Variants in NKAIN3 observed in about 807,000 individuals in gnomAD.
NKAIN3 encodes sodium/potassium transporting ATPase interacting 3, also known as sodium/potassium-transporting ATPase subunit beta-1-interacting protein 3.
Under a neutral mutation model 30.2 loss-of-function variants are expected in NKAIN3, and 25 were observed. The ratio of observed to expected loss-of-function variants is 0.83; its 90% CI spans 0.60 to 1.16. The LOEUF is 1.16. Ranked by LOEUF, NKAIN3 falls within the 50% of genes most tolerant of loss-of-function variation. The probability of loss-of-function intolerance (pLI) is 0.00; values close to 1 mark genes in which losing one functional copy is unlikely to be tolerated. For synonymous variants in NKAIN3, 91 were observed against 89.6 expected (o/e 1.02, Z -0.09); for missense variants, 225 against 254.1 (o/e 0.89, Z 0.78).
In NKAIN3 at chr8:62,881,087, C is replaced by T. The variant is rs762230906; in HGVS notation, c.472-37366C>T. The stretch of plus-strand genomic sequence containing the variant: ...CTGCATCAGAGTGTTACATTTATTA[C>T]AAGTGTAATATATTGAACATCATCA... On this transcript the variant is annotated intron_variant, in intron 4 of 6. Transcript: ENST00000623646. Among the ~76,000 whole-genome samples the T allele has an allele frequency of 4.3e-4, 66 of 152,214 alleles. 1 individual carries two copies. Among genetic ancestry groups the T allele is most frequent in the Middle Eastern group, 3.4e-3 (1 of 294 alleles).
chr8:62,851,880 G>A (rs1738390242), intron 4 of NKAIN3, among the ~76,000 whole-genome samples: 1 of 152,106 alleles, frequency 6.6e-6, no homozygotes, highest in Non-Finnish European at 1.5e-5. Flanking sequence ...GAGGATTTTT[G>A]CAGCAATGTT....
intron 3 of NKAIN3, among the ~76,000 whole-genome samples, chr8:62,617,330 A>C (rs1359892529): frequency 2.6e-5 from 4 of 152,338 alleles, no homozygotes; most frequent in South Asian, 2.1e-4. Context: ...AAGGCTTAGA[A>C]GCTCTGCCAA....
chr8:62,629,804 G>T (rs1811900009), intron 3 of NKAIN3, among the ~76,000 whole-genome samples: 1 of 151,996 alleles, frequency 6.6e-6, no homozygotes, highest in Non-Finnish European at 1.5e-5. Context: ...TTTTCAATTT[G>T]TTTCTTTTCA....
At chr8:62,356,641 G>A (rs1482875050) in intron 1 of NKAIN3, among the ~76,000 whole-genome samples, 17 of 152,026 alleles carry the variant, frequency 1.1e-4, no homozygotes, top group Non-Finnish European at 2.2e-4. Flanking sequence ...TTGTGTCTTG[G>A]CAGGCTCTAT....
chr8:62,940,452 A>G (rs1822921018), intron 5 of NKAIN3, among the ~76,000 whole-genome samples: 1 of 152,168 alleles, frequency 6.6e-6, no homozygotes. Flanking sequence ...CTAAGTAACA[A>G]CTGCAGAATA....
chr8:62,815,939 T>G (rs1818663763), intron 4 of NKAIN3, among the ~76,000 whole-genome samples: 1 of 152,204 alleles, frequency 6.6e-6, no homozygotes, highest in Non-Finnish European at 1.5e-5. Context: ...ATCATAGTTT[T>G]CAAGATTTTG....
intron 1 of NKAIN3, among the ~76,000 whole-genome samples, chr8:62,374,071 C>CCACTG (rs1816992619): frequency 2.8e-5 from 4 of 143,052 alleles, no homozygotes; most frequent in Admixed American, 1.4e-4. Flanking sequence ...CAAGATCTCG[C>CCACTG]CACTGCACTC....
chr8:62,813,478 G>T (rs1015388107), intron 4 of NKAIN3, among the ~76,000 whole-genome samples: 12 of 147,978 alleles, frequency 8.1e-5, no homozygotes, highest in African/African-American at 2.7e-4. Flanking sequence ...CTTCTTGTAG[G>T]CAGCATACAG....
At chr8:62,842,889 A>T (rs554247868) in intron 4 of NKAIN3, among the ~76,000 whole-genome samples, 11 of 152,114 alleles carry the variant, frequency 7.2e-5, no homozygotes, top group Non-Finnish European at 8.8e-5. Flanking sequence ...TTAAAGCTGT[A>T]AAACTACTAG....
At position 62,332,836 on chromosome 8, in the gene NKAIN3, G is replaced by A. The variant is rs534880193; in HGVS notation, c.54+83709G>A. Among the ~76,000 whole-genome samples the A allele has an allele frequency of 2.0e-5, 3 of 152,202 alleles. No individual in the cohort carries two copies. In the South Asian group the frequency reaches 6.2e-4, roughly 32 times the overall value. On this transcript the variant is annotated intron_variant, in intron 1 of 6. Transcript: ENST00000623646. ...GAGCCCAGGAGTTCAAGACCAGCCT[G>A]GGCACCATGCCGAAACCCCATCTCT...
chr8:62,930,832 T>C (rs35208512), intron 5 of NKAIN3, among the ~76,000 whole-genome samples: 16,346 of 151,796 alleles, frequency 0.11, 967 homozygotes, highest in East Asian at 0.17. Context: ...GCCTCCCGAG[T>C]AGCTGGGACT....
At chr8:62,713,055 TG>T (rs1384710143) in intron 3 of NKAIN3, among the ~76,000 whole-genome samples, 2 of 151,980 alleles carry the variant, frequency 1.3e-5, no homozygotes, top group Non-Finnish European at 2.9e-5. Flanking sequence ...GTCTCCAGAG[TG>T]GGGGCACTCA....
intron 1 of NKAIN3, among the ~76,000 whole-genome samples, chr8:62,485,386 A>G (rs1655961276): frequency 6.6e-6 from 1 of 152,194 alleles, no homozygotes; most frequent in South Asian, 2.1e-4. Flanking sequence ...GTGGAAAAGA[A>G]CATTTTTATA....
chr8:62,450,527 A>G (rs751503827), intron 1 of NKAIN3, among the ~76,000 whole-genome samples: 1 of 152,154 alleles, frequency 6.6e-6, no homozygotes, highest in Non-Finnish European at 1.5e-5. Flanking sequence ...TGCTTTATCC[A>G]CTTTAAATAG....
chr8:62,986,970 C>T (rs538370518), downstream of NKAIN3, among the ~76,000 whole-genome samples: 3 of 152,332 alleles, frequency 2.0e-5, no homozygotes, highest in African/African-American at 7.2e-5. Flanking sequence ...TGCCCCTGCT[C>T]TTTCATGCTT....
chr8:62,620,319 T>C (rs1811584522), intron 3 of NKAIN3, among the ~76,000 whole-genome samples: 1 of 152,108 alleles, frequency 6.6e-6, no homozygotes. Flanking sequence ...CAGAAAGCCC[T>C]TCCTAGGTTT....
chr8:62,632,467 A>G (rs1811990902), intron 3 of NKAIN3, among the ~76,000 whole-genome samples: 1 of 152,144 alleles, frequency 6.6e-6, no homozygotes. Flanking sequence ...TAGAAAAGTT[A>G]TTTGAATAGT....
intron 4 of NKAIN3, among the ~76,000 whole-genome samples, chr8:62,869,534 G>T (rs188124364): frequency 6.6e-5 from 10 of 152,308 alleles, no homozygotes; most frequent in African/African-American, 1.2e-4. Flanking sequence ...GGCAAATTAG[G>T]TTAGAATGAA....
chr8:62,821,990 G>T (rs1818862959), intron 4 of NKAIN3, among the ~76,000 whole-genome samples: 1 of 151,866 alleles, frequency 6.6e-6, no homozygotes, highest in African/African-American at 2.4e-5. Context: ...CTTTATAGAG[G>T]GTGATGGGCA....
Sources: gnomAD v4.1 joint callset for allele counts (sites outside exome capture counted in the v4.1 genomes callset) on GRCh38, gnomAD v4.1.1 for gene constraint, MANE v1.5 for transcripts, NCBI Gene and HGNC (gene_info 2026-07-23, HGNC 2026-07-21) for gene names.